SAMD12: variants seen among roughly 807,000 people sequenced by gnomAD.
SAMD12 encodes sterile alpha motif domain containing 12.
A neutral mutation model predicts 15.0 loss-of-function variants in SAMD12; 9 were observed. That is an observed-to-expected ratio of 0.60 (90% CI 0.36 to 1.05). The LOEUF (loss-of-function observed/expected upper bound fraction) is 1.05. Among genes scored for constraint, SAMD12 ranks in the 50% least tolerant of loss-of-function variants. The pLI, the probability that SAMD12 is intolerant of heterozygous loss-of-function variation, is 0.01. For missense variants in SAMD12, 230 were observed against 234.2 expected (o/e 0.98, Z 0.12); for synonymous variants, 86 against 90.1 (o/e 0.96, Z 0.25).
In SAMD12 at chr8:118,358,786, G is replaced by C. The variant is rs574112515; in HGVS notation, c.433+20774C>G. Among the ~76,000 whole-genome samples, 11 of 152,232 alleles carry C rather than the reference G, an allele frequency of 7.2e-5. No homozygotes were observed. In the South Asian group the frequency reaches 2.3e-3, roughly 32 times the overall value. On this transcript the variant is annotated intron_variant, in intron 4 of 4. Coordinates refer to the SAMD12 transcript ENST00000409003. ...AGCACACTGAACTTAGAATATTAAA[G>C]ACTGCTAATTGGCTGAGCATGTTCA...
chr8:118,209,140 T>G (rs1329848690), intron 4 of SAMD12, among the ~76,000 whole-genome samples: 1 of 152,212 alleles, frequency 6.6e-6, no homozygotes, highest in African/African-American at 2.4e-5. Flanking sequence ...GAAGACAGTC[T>G]CCAAGGTTAT....
chr8:118,202,400 T>C (rs1020655824), intron 4 of SAMD12, among the ~76,000 whole-genome samples: 2 of 152,166 alleles, frequency 1.3e-5, no homozygotes, highest in Admixed American at 6.5e-5. Context: ...AAGGCCACTT[T>C]GGGCACACTC....
intron 3 of SAMD12, among the ~76,000 whole-genome samples, chr8:118,418,526 C>A (rs1821830383): frequency 6.6e-6 from 1 of 152,104 alleles, no homozygotes; most frequent in South Asian, 2.1e-4. Context: ...CCATGCTAGT[C>A]TAACTCGGTG....
At chr8:118,302,629 A>G (rs552350698) in intron 4 of SAMD12, among the ~76,000 whole-genome samples, 2 of 152,308 alleles carry the variant, frequency 1.3e-5, no homozygotes, top group East Asian at 3.9e-4. Flanking sequence ...TAATTTAGCA[A>G]TGGCTATATT....
At chr8:118,187,381 T>C (rs548371887), downstream of SAMD12, among the ~76,000 whole-genome samples, 2 of 152,268 alleles carry the variant, frequency 1.3e-5, no homozygotes, top group East Asian at 3.9e-4. Flanking sequence ...ATTCTAATGA[T>C]TTCATCATTA....
intron 4 of SAMD12, among the ~76,000 whole-genome samples, chr8:118,361,293 T>C (rs1818487013): frequency 1.3e-5 from 2 of 152,208 alleles, no homozygotes; most frequent in African/African-American, 4.8e-5. Flanking sequence ...GCCAAGTACC[T>C]ACTATGAGCT....
At chr8:118,467,554 T>C (rs904701684) in intron 2 of SAMD12, among the ~76,000 whole-genome samples, 12 of 152,176 alleles carry the variant, frequency 7.9e-5, no homozygotes, top group African/African-American at 2.4e-4. Flanking sequence ...GTGGCCATGA[T>C]CTTTGCCACA....
intron 3 of SAMD12, among the ~76,000 whole-genome samples, chr8:118,391,841 T>G (rs925285009): frequency 6.6e-6 from 1 of 151,800 alleles, no homozygotes; most frequent in Admixed American, 6.6e-5. Flanking sequence ...CCCAGAAATG[T>G]AAGACCAGCA....
At position 118,534,491 on chromosome 8, in the gene SAMD12, C is replaced by A. The variant is rs537791117; in HGVS notation, c.192+46224G>T. 4.8e-4 allele frequency among the ~76,000 whole-genome samples: 73 copies of A among 152,228 alleles called. 1 individual carries two copies. The highest frequency in any genetic ancestry group is 3.3e-3 in the South Asian group (16 of 4,818). ...TTTCCTGAATTTGAATGTTGGCCTG[C>A]CTTGCTGGGTTGGGGAAGTTCTCCT... On this transcript the variant is annotated intron_variant, in intron 2 of 3. Coordinates refer to ENST00000314727, the MANE Select transcript of SAMD12 (RefSeq NM_207506.3).
At chr8:118,440,948 T>C (rs1249797706) in intron 2 of SAMD12, among the ~76,000 whole-genome samples, 2 of 152,100 alleles carry the variant, frequency 1.3e-5, no homozygotes, top group East Asian at 3.9e-4. Flanking sequence ...TATTGGCAGC[T>C]GTTTGAAGGC....
chr8:118,500,555 C>T (rs1824755205), intron 2 of SAMD12, among the ~76,000 whole-genome samples: 1 of 152,070 alleles, frequency 6.6e-6, no homozygotes, highest in Admixed American at 6.5e-5. Flanking sequence ...CCTGTAATCC[C>T]AGCACTTTGG....
At chr8:118,521,918 T>G (rs778058363) in intron 2 of SAMD12, among the ~76,000 whole-genome samples, 1 of 152,046 alleles carries the variant, frequency 6.6e-6, no homozygotes, top group Non-Finnish European at 1.5e-5. Context: ...CATATAGGAT[T>G]ACTCAACAAG....
chr8:118,395,836 T>C (rs2130770683), intron 3 of SAMD12, among the ~76,000 whole-genome samples: 1 of 151,352 alleles, frequency 6.6e-6, no homozygotes, highest in African/African-American at 2.4e-5. Flanking sequence ...CGGGCGCCTG[T>C]AGTCCCAGCT....
At chr8:118,158,223 C>A in the SAMD12 span, among the ~76,000 whole-genome samples, 1 of 152,190 alleles carries the variant, frequency 6.6e-6, no homozygotes, top group Non-Finnish European at 1.5e-5. Context: ...TTACCTAATG[C>A]GAGAAAAACA....
rs1437368497 is a variant in SAMD12 at position 118,378,281 on chromosome 8, C to T, written c.*1136G>A. 11 of 548,688 alleles carry T rather than the reference C, an allele frequency of 2.0e-5. No individual in the cohort carries two copies. The highest frequency in any genetic ancestry group is 1.6e-4 in the African/African-American group (8 of 48,536). 34.0% of individuals were successfully genotyped at this position (548,688 alleles called of 1,614,324 possible). On this transcript the variant is annotated 3_prime_UTR_variant, in exon 4 of 4. Transcript: ENST00000314727. ...ACCTCTAGGTTGCTTGTAAATTTTC[C>T]GTTTTCCAAATAGCACTGTGACAGA...
At chr8:118,278,985 G>C (rs1813538937) in intron 4 of SAMD12, among the ~76,000 whole-genome samples, 1 of 152,166 alleles carries the variant, frequency 6.6e-6, no homozygotes, top group Admixed American at 6.5e-5. Context: ...GTATTAACAT[G>C]CTTTCCCAAT....
intron 4 of SAMD12, among the ~76,000 whole-genome samples, chr8:118,339,601 T>C (rs1817250822): frequency 6.6e-6 from 1 of 152,218 alleles, no homozygotes; most frequent in Non-Finnish European, 1.5e-5. Flanking sequence ...GCTGCGTTTC[T>C]GTGGTCTGTG....
At chr8:118,605,480 G>C (rs1208643744) in intron 1 of SAMD12, among the ~76,000 whole-genome samples, 7 of 152,128 alleles carry the variant, frequency 4.6e-5, no homozygotes, top group Non-Finnish European at 1.0e-4. Flanking sequence ...GGGTATGTCA[G>C]AGTAGCAGGC....
At chr8:118,151,761 C>T in the SAMD12 span, among the ~76,000 whole-genome samples, 1 of 149,606 alleles carries the variant, frequency 6.7e-6, no homozygotes, top group East Asian at 2.0e-4. Context: ...ACCCGGGAAG[C>T]AGAGCTTGCA....
Sources: gnomAD v4.1 joint callset for allele counts (sites outside exome capture counted in the v4.1 genomes callset) on GRCh38, gnomAD v4.1.1 for gene constraint, MANE v1.5 for transcripts, NCBI Gene and HGNC (gene_info 2026-07-23, HGNC 2026-07-21) for gene names.